F13A1: variants seen among roughly 807,000 people sequenced by gnomAD.
F13A1 encodes the protein FSF, A subunit.
In F13A1, 47 loss-of-function variants were observed where a neutral mutation model predicts 80.1. The ratio of observed to expected loss-of-function variants is 0.59; its 90% CI spans 0.46 to 0.75. F13A1 has a LOEUF of 0.75. F13A1 is among the 30% of genes least tolerant of loss of function. The pLI is 0.00. For synonymous variants in F13A1, 349 were observed against 344.9 expected (o/e 1.01, Z -0.13); for missense variants, 817 against 930.4 (o/e 0.88, Z 1.59).
At chr6:6,171,773 C>G (rs974799666) in intron 12 of F13A1, among the ~76,000 whole-genome samples, 1 of 152,254 alleles carries the variant, frequency 6.6e-6, no homozygotes, top group Non-Finnish European at 1.5e-5. Flanking sequence ...GCACCCAGCA[C>G]TGCCCCCTTG....
chr6:6,234,582 T>C (rs183658597), intron 6 of F13A1, among the ~76,000 whole-genome samples: 63 of 151,840 alleles, frequency 4.1e-4, no homozygotes, highest in Non-Finnish European at 7.2e-4. Flanking sequence ...ACAATAATCA[T>C]CCTAAGAAAA....
intron 8 of F13A1, chr6:6,206,506 C>T: frequency 2.1e-6 from 1 of 474,786 alleles, no homozygotes; most frequent in South Asian, 1.5e-5. Flanking sequence ...CATTTTACCC[C>T]CAAACTCCCC....
intron 4 of F13A1, among the ~76,000 whole-genome samples, chr6:6,255,308 A>C (rs1247589536): frequency 2.0e-5 from 3 of 152,196 alleles, no homozygotes; most frequent in Non-Finnish European, 2.9e-5. Flanking sequence ...AACAAGACAC[A>C]TGAACTCATC....
intron 3 of F13A1, among the ~76,000 whole-genome samples, chr6:6,298,064 G>C (rs1269071500): frequency 6.6e-6 from 1 of 150,856 alleles, no homozygotes; most frequent in Non-Finnish European, 1.5e-5. Context: ...CGTTTTGAGT[G>C]AGATTCTTAA....
chr6:6,149,285 TA>T (rs1366460448), intron 14 of F13A1, among the ~76,000 whole-genome samples: 3 of 152,340 alleles, frequency 2.0e-5, no homozygotes, highest in Non-Finnish European at 2.9e-5. Flanking sequence ...ATTTGATCAT[TA>T]TACAACATAT....
Position 6,250,846 on chromosome 6 carries a change from T to C in F13A1, c.655A>G (p.Asn219Asp). Residue 219 changes from asparagine (N) to aspartate (D), a missense_variant, in exon 5 of 15, where the codon AAT becomes GAT. Coordinates refer to ENST00000264870, the MANE Select transcript of F13A1 (RefSeq NM_000129.4). The surrounding 1 kb of genome is among the most constrained non-coding windows in gnomAD (Gnocchi z 4.2). Reference protein sequence around the residue: ...DIGVIFYGEVNDIKTRSWSYG... With the variant: ...DIGVIFYGEVDDIKTRSWSYG... ...CTCCAGCTTCTGGTCTTGATGTCAT[T>C]GACCTCTCCATAAAAAATTACCCCG... is the stretch of plus-strand genomic sequence containing the variant. The C allele has an allele frequency of 6.2e-7, 1 of 1,613,606 alleles. No homozygotes were observed. Among genetic ancestry groups the C allele is most frequent in the Non-Finnish European group, 8.5e-7 (1 of 1,179,622 alleles).
chr6:6,296,933 T>C (rs1372204010), intron 3 of F13A1, among the ~76,000 whole-genome samples: 1 of 148,238 alleles, frequency 6.7e-6, no homozygotes, highest in Non-Finnish European at 1.5e-5. Context: ...CAATACCTAA[T>C]TTATTGAGAG....
intron 11 of F13A1, among the ~76,000 whole-genome samples, chr6:6,181,341 C>A (rs1321219861): frequency 1.3e-5 from 2 of 152,218 alleles, no homozygotes; most frequent in African/African-American, 4.8e-5. Flanking sequence ...ATCGCCAGCA[C>A]CAAACCAATT....
intron 6 of F13A1, among the ~76,000 whole-genome samples, chr6:6,246,656 T>A (rs1757558648): frequency 6.6e-6 from 1 of 152,226 alleles, no homozygotes; most frequent in African/African-American, 2.4e-5. Flanking sequence ...TATGTGTGCT[T>A]ATTCAATAAT....
At chr6:6,149,857 G>A (rs944494307) in intron 14 of F13A1, among the ~76,000 whole-genome samples, 7 of 152,182 alleles carry the variant, frequency 4.6e-5, no homozygotes, top group African/African-American at 1.7e-4. Flanking sequence ...GGACATCTGT[G>A]TCCAAGAAGG....
chr6:6,164,654 C>T (rs13192248), intron 13 of F13A1, among the ~76,000 whole-genome samples: 45,417 of 148,352 alleles, frequency 0.31, 7,077 homozygotes, highest in Middle Eastern at 0.39. Context: ...TCTCTTCTCC[C>T]CCCCATTCTC....
chr6:6,283,972 G>T (rs576019380), intron 3 of F13A1, among the ~76,000 whole-genome samples: 3 of 152,188 alleles, frequency 2.0e-5, no homozygotes, highest in African/African-American at 4.8e-5. Context: ...AAATCAACTC[G>T]CAAGGGGTTA....
At chr6:6,280,365 G>A (rs922888366) in intron 3 of F13A1, among the ~76,000 whole-genome samples, 1 of 152,188 alleles carries the variant, frequency 6.6e-6, no homozygotes, top group African/African-American at 2.4e-5. Context: ...GACCGTGGGG[G>A]AAGTCAACGA....
chr6:6,227,323 T>C (rs1311495950), intron 6 of F13A1, among the ~76,000 whole-genome samples: 2 of 152,234 alleles, frequency 1.3e-5, no homozygotes, highest in Admixed American at 6.5e-5. Flanking sequence ...AGAAGAACTT[T>C]ATGAACCACA....
intron 3 of F13A1, among the ~76,000 whole-genome samples, chr6:6,292,607 G>A (rs973920329): frequency 1.3e-5 from 2 of 152,078 alleles, no homozygotes; most frequent in African/African-American, 2.4e-5. Context: ...ATCCAACACC[G>A]CCGCTGGCTT....
chr6:6,190,867 A>G (rs1449453241), intron 10 of F13A1, among the ~76,000 whole-genome samples: 2 of 151,874 alleles, frequency 1.3e-5, no homozygotes, highest in Non-Finnish European at 2.9e-5. Context: ...TGTGCTAGCA[A>G]TCAGCGAGAC....
chr6:6,190,275 G>A (rs138466647), intron 10 of F13A1, among the ~76,000 whole-genome samples: 4,087 of 152,298 alleles, frequency 0.027, 150 homozygotes, highest in African/African-American at 0.081. Context: ...GAGGAACTGC[G>A]TTCCTTTGGA....
At chr6:6,269,806 T>C (rs568661635) in intron 3 of F13A1, among the ~76,000 whole-genome samples, 27 of 152,152 alleles carry the variant, frequency 1.8e-4, no homozygotes, top group Non-Finnish European at 2.8e-4. Context: ...CTCTGCCTCC[T>C]GGGTTCATGC....
At chr6:6,165,206 TG>T (rs1760645479) in intron 13 of F13A1, among the ~76,000 whole-genome samples, 1 of 152,166 alleles carries the variant, frequency 6.6e-6, no homozygotes, top group Admixed American at 6.5e-5. Flanking sequence ...CATCTCTGGT[TG>T]CTTTGTGGAA....
Sources: allele counts gnomAD v4.1 joint callset (sites outside exome capture counted in the v4.1 genomes callset), GRCh38; gene constraint gnomAD v4.1.1; non-coding constraint Gnocchi (gnomAD v3.1); transcripts MANE v1.5; gene names NCBI Gene and HGNC (gene_info 2026-07-23, HGNC 2026-07-21).